RNF128: variants seen among roughly 807,000 people sequenced by gnomAD.
RNF128 encodes the protein ring finger protein 128, also known as E3 ubiquitin-protein ligase RNF128.
RNF128 carries 13 observed loss-of-function variants against 26.2 expected under a neutral mutation model. The observed-to-expected ratio is 0.50, with a 90% CI of 0.32 to 0.79. RNF128 has a LOEUF of 0.79. Ranked by LOEUF, RNF128 falls within the 30% of genes least tolerant of loss-of-function variation. RNF128 has a pLI of 0.03. For missense variants in RNF128, 315 were observed against 349.7 expected, an observed-to-expected ratio of 0.90 and a Z score of 0.79; for synonymous variants, 149 against 142.5, an observed-to-expected ratio of 1.05 and a Z score of -0.32.
intron 5 of RNF128, among the ~76,000 whole-genome samples, chrX:106,790,514 T>C (rs2147704611): frequency 9.0e-6 from 1 of 111,008 alleles, no homozygotes; most frequent in Non-Finnish European, 1.9e-5. Flanking sequence ...TTTGAAATGA[T>C]AACCATATAA....
At chrX:106,755,354 A>G (rs747627695) in intron 1 of RNF128, among the ~76,000 whole-genome samples, 8 of 111,360 alleles carry the variant, frequency 7.2e-5, no homozygotes, top group Non-Finnish European at 1.5e-4. Flanking sequence ...TGCCAACCCT[A>G]CTGAAACTAT....
chrX:106,717,430 A>G (rs1929237171), intron 1 of RNF128, among the ~76,000 whole-genome samples: 1 of 111,818 alleles, frequency 8.9e-6, no homozygotes, highest in South Asian at 3.7e-4. Context: ...TGTGCTTTCA[A>G]TTAAAGCTTA....
intron 1 of RNF128, among the ~76,000 whole-genome samples, chrX:106,754,055 T>A (rs1569441185): frequency 9.0e-6 from 1 of 111,059 alleles, no homozygotes; most frequent in Non-Finnish European, 1.9e-5. Flanking sequence ...GGACAGAAAA[T>A]CCACAAAGAA....
intron 3 of RNF128, among the ~76,000 whole-genome samples, chrX:106,786,908 A>G (rs751044216): frequency 3.6e-5 from 4 of 111,919 alleles, no homozygotes; most frequent in Non-Finnish European, 5.7e-5. Context: ...AAATACAACT[A>G]CGCATTCATT....
chrX:106,777,673 G>T (rs765803552), intron 2 of RNF128, among the ~76,000 whole-genome samples: 4 of 111,642 alleles, frequency 3.6e-5, no homozygotes, highest in Non-Finnish European at 7.5e-5. Flanking sequence ...ATAATCCACG[G>T]CCTCTTAATT....
intron 1 of RNF128, among the ~76,000 whole-genome samples, chrX:106,742,243 A>G (rs770841525): frequency 4.5e-5 from 5 of 112,123 alleles, no homozygotes; most frequent in African/African-American, 1.6e-4. Flanking sequence ...AAATAATTCT[A>G]TTGGCAGAGT....
intron 1 of RNF128, among the ~76,000 whole-genome samples, chrX:106,714,287 T>C (rs978743430): frequency 9.0e-6 from 1 of 110,507 alleles, no homozygotes; most frequent in African/African-American, 3.3e-5. Flanking sequence ...TTTAAGAAAA[T>C]ATGCAAATTC....
intron 1 of RNF128, among the ~76,000 whole-genome samples, chrX:106,742,591 T>C (rs1449930380): frequency 8.9e-6 from 1 of 111,840 alleles, no homozygotes; most frequent in African/African-American, 3.3e-5. Flanking sequence ...ACTACTAGTC[T>C]CTGAGATTCT....
At chrX:106,742,689 A>G (rs1444188965) in intron 1 of RNF128, among the ~76,000 whole-genome samples, 1 of 111,238 alleles carries the variant, frequency 9.0e-6, no homozygotes, top group Non-Finnish European at 1.9e-5. Flanking sequence ...TACACAGATG[A>G]TATAAAAGCA....
chrX:106,747,720 T>C (rs769360871), intron 1 of RNF128, among the ~76,000 whole-genome samples: 1 of 112,488 alleles, frequency 8.9e-6, no homozygotes, highest in South Asian at 3.7e-4. Context: ...TTACAAATCA[T>C]TGGACATTGA....
chrX:106,766,792 G>T (rs1229219124), intron 1 of RNF128, among the ~76,000 whole-genome samples: 1 of 111,844 alleles, frequency 8.9e-6, no homozygotes, highest in Non-Finnish European at 1.9e-5. Flanking sequence ...CCTTGCCCAT[G>T]CCTATGGCCT....
At chrX:106,768,824 A>G (rs1280748987) in intron 1 of RNF128, among the ~76,000 whole-genome samples, 2 of 111,501 alleles carry the variant, frequency 1.8e-5, no homozygotes, top group African/African-American at 6.5e-5. Flanking sequence ...TCAATTTTAG[A>G]TCTTTCCTGC....
chrX:106,743,786 A>G (rs1430645654), intron 1 of RNF128, among the ~76,000 whole-genome samples: 1 of 111,824 alleles, frequency 8.9e-6, no homozygotes, highest in Non-Finnish European at 1.9e-5. Context: ...TCATGCTGCT[A>G]TAAAGACACA....
chrX:106,717,106 G>C (rs1929230106), intron 1 of RNF128, among the ~76,000 whole-genome samples: 2 of 110,276 alleles, frequency 1.8e-5, no homozygotes, highest in Middle Eastern at 4.8e-3. Flanking sequence ...AGGAGGCTGA[G>C]GCAGGAGAAT....
At chrX:106,752,268 A>T (rs1026497460) in intron 1 of RNF128, among the ~76,000 whole-genome samples, 1 of 112,419 alleles carries the variant, frequency 8.9e-6, no homozygotes, top group African/African-American at 3.2e-5. Context: ...TTCTGGTCTA[A>T]TGCAGCTCAG....
In RNF128 at chrX:106,727,045, C is replaced by T. The variant is rs902510489; in HGVS notation, c.132C>T (p.Thr44=). 1 of 1,205,286 alleles carries T rather than the reference C, an allele frequency of 8.3e-7. No individual in the cohort carries two copies. The highest frequency in any genetic ancestry group is 1.1e-6 in the Non-Finnish European group (1 of 892,607). Reference sequence around the variant, plus strand: ...CCCGGGGGGCTGAAGCAGTGTGGACCGCGTACCTCAACGTGTCCTGGCGGG... The same window carrying T: ...CCCGGGGGGCTGAAGCAGTGTGGACTGCGTACCTCAACGTGTCCTGGCGGG... ...PGSRGAEAVW[T]AYLNVSWRVP... is the part of the protein sequence containing the mutation. Residue 44 remains threonine, a synonymous_variant, in exon 1 of 7, where the codon ACC becomes ACT. Transcript: ENST00000255499.
chrX:106,758,539 A>G (rs1319478099), intron 1 of RNF128, among the ~76,000 whole-genome samples: 2 of 111,988 alleles, frequency 1.8e-5, no homozygotes, highest in South Asian at 3.7e-4. Flanking sequence ...ATTATACTAC[A>G]CAGTTATAGT....
upstream of RNF128, among the ~76,000 whole-genome samples, chrX:106,723,686 A>G (rs1002508675): frequency 2.7e-5 from 3 of 111,056 alleles, no homozygotes; most frequent in African/African-American, 9.8e-5. Context: ...TATCCCAACC[A>G]TACCGAACTA....
At chrX:106,774,252 C>G (rs1930426933) in intron 2 of RNF128, among the ~76,000 whole-genome samples, 1 of 112,155 alleles carries the variant, frequency 8.9e-6, no homozygotes, top group Non-Finnish European at 1.9e-5. Flanking sequence ...TTGAAGCAAT[C>G]AATAATACTT....
Sources: allele counts gnomAD v4.1 joint callset (sites outside exome capture counted in the v4.1 genomes callset), GRCh38; gene constraint gnomAD v4.1.1; transcripts MANE v1.5; gene names NCBI Gene and HGNC (gene_info 2026-07-23, HGNC 2026-07-21).